Variants in CNTNAP2 observed in about 807,000 individuals in gnomAD.
CNTNAP2 encodes contactin-associated protein-like 2.
CNTNAP2 carries 98 observed loss-of-function variants against 155.2 expected under a neutral mutation model. The observed-to-expected ratio is 0.63, with a 90% CI of 0.54 to 0.75. The LOEUF (loss-of-function observed/expected upper bound fraction) is 0.75. Among genes scored for constraint, CNTNAP2 ranks in the 30% least tolerant of loss-of-function variants. The pLI is 0.00. For missense variants in CNTNAP2, 1,727 were observed against 1,688.1 expected (o/e 1.02, Z -0.40); for synonymous variants, 651 against 631.2 (o/e 1.03, Z -0.47).
At chr7:146,599,595 A>G (rs1432761240) in intron 1 of CNTNAP2, among the ~76,000 whole-genome samples, 1 of 144,106 alleles carries the variant, frequency 6.9e-6, no homozygotes, top group Admixed American at 6.7e-5. Context: ...CCCGCCGCCC[A>G]TAATTCTTCT....
chr7:146,579,625 G>T (rs1020880127), intron 1 of CNTNAP2, among the ~76,000 whole-genome samples: 2 of 152,028 alleles, frequency 1.3e-5, no homozygotes, highest in Non-Finnish European at 2.9e-5. Context: ...CTCACTCATT[G>T]AAAGATATGT....
intron 1 of CNTNAP2, among the ~76,000 whole-genome samples, chr7:146,569,418 A>G (rs533779756): frequency 2.1e-4 from 32 of 152,182 alleles, no homozygotes; most frequent in Non-Finnish European, 3.8e-4. Context: ...CCAATTACAT[A>G]TATTTCACAT....
intron 12 of CNTNAP2, among the ~76,000 whole-genome samples, chr7:147,584,362 T>C (rs1584831778): frequency 6.6e-6 from 1 of 152,186 alleles, no homozygotes; most frequent in Admixed American, 6.6e-5. Flanking sequence ...TTAGAAATAC[T>C]AGGAGCAGAA....
chr7:147,712,065 G>A (rs1796408338), intron 13 of CNTNAP2, among the ~76,000 whole-genome samples: 3 of 152,248 alleles, frequency 2.0e-5, no homozygotes, highest in East Asian at 3.9e-4. Flanking sequence ...CCTTCAGGTA[G>A]GTAAGACTCT....
rs983718263 is a variant in CNTNAP2, at chr7:146,939,962, T to TAA, written c.402+100059_402+100060dup. On this transcript the variant is annotated intron_variant, in intron 3 of 23. Coordinates refer to ENST00000361727, the MANE Select transcript of CNTNAP2 (RefSeq NM_014141.6). ...TCGGCTTGCCAAAGTCTCACCGGAC[T>TAA]AATGCTTACAGCAGAATTTAACACA... 7.9e-5 allele frequency among the ~76,000 whole-genome samples: 12 copies of TAA among 152,188 alleles called. 1 individual carries two copies. The highest frequency in any genetic ancestry group is 3.3e-4 in the Admixed American group (5 of 15,286).
At chr7:146,370,751 C>T (rs999240005) in intron 1 of CNTNAP2, among the ~76,000 whole-genome samples, 11 of 152,084 alleles carry the variant, frequency 7.2e-5, no homozygotes, top group African/African-American at 9.7e-5. Context: ...AATGAAAGAA[C>T]TCCCCATTAT....
intron 4 of CNTNAP2, among the ~76,000 whole-genome samples, chr7:147,046,407 C>A (rs1334818574): frequency 6.6e-6 from 1 of 152,142 alleles, no homozygotes; most frequent in Non-Finnish European, 1.5e-5. Flanking sequence ...AGTTACAAAT[C>A]ATATTTCTGA....
chr7:147,066,207 C>T (rs541176822), intron 4 of CNTNAP2, among the ~76,000 whole-genome samples: 1 of 152,264 alleles, frequency 6.6e-6, no homozygotes, highest in East Asian at 1.9e-4. Context: ...GTTCTTTAAA[C>T]TGAATTGAAG....
intron 10 of CNTNAP2, among the ~76,000 whole-genome samples, chr7:147,466,828 G>A (rs1003875765): frequency 1.3e-4 from 20 of 152,136 alleles, no homozygotes; most frequent in African/African-American, 4.8e-4. Context: ...TGAGGCAGGA[G>A]AATCACTTGA....
chr7:146,847,049 C>T (rs191994260), intron 3 of CNTNAP2, among the ~76,000 whole-genome samples: 65 of 151,978 alleles, frequency 4.3e-4, no homozygotes, highest in Admixed American at 1.3e-3. Context: ...TTACATTGAA[C>T]TCAATGCTAA....
intron 4 of CNTNAP2, among the ~76,000 whole-genome samples, chr7:147,064,454 C>T (rs1217983408): frequency 6.6e-6 from 1 of 152,110 alleles, no homozygotes; most frequent in African/African-American, 2.4e-5. Flanking sequence ...ATCTCACCTG[C>T]TAAATGATGT....
At chr7:147,477,715 C>T (rs1798346984) in intron 10 of CNTNAP2, among the ~76,000 whole-genome samples, 1 of 152,082 alleles carries the variant, frequency 6.6e-6, no homozygotes, top group South Asian at 2.1e-4. Context: ...CTTTATTTTG[C>T]CTCTGGATAA....
intron 13 of CNTNAP2, among the ~76,000 whole-genome samples, chr7:147,716,407 G>A (rs1007623165): frequency 6.6e-6 from 1 of 152,098 alleles, no homozygotes; most frequent in African/African-American, 2.4e-5. Flanking sequence ...GTGAGGCAGA[G>A]TCTGATCTAC....
intron 1 of CNTNAP2, among the ~76,000 whole-genome samples, chr7:146,464,755 A>G (rs956824232): frequency 6.6e-6 from 1 of 152,148 alleles, no homozygotes; most frequent in Non-Finnish European, 1.5e-5. Flanking sequence ...TTAGCACACT[A>G]TGTTGGAAAG....
intron 21 of CNTNAP2, among the ~76,000 whole-genome samples, chr7:148,283,318 A>AG (rs1797021396): frequency 8.1e-6 from 1 of 123,680 alleles, no homozygotes; most frequent in African/African-American, 3.7e-5. Context: ...GAAGGAAGGA[A>AG]GGAAAGAAAG....
At chr7:148,240,815 C>T (rs186043188) in intron 20 of CNTNAP2, among the ~76,000 whole-genome samples, 25 of 146,904 alleles carry the variant, frequency 1.7e-4, no homozygotes, top group Admixed American at 9.9e-4. Flanking sequence ...CCAAAGCTGA[C>T]GAATTTGGAG....
chr7:146,547,180 C>T (rs932588257), intron 1 of CNTNAP2, among the ~76,000 whole-genome samples: 3 of 151,848 alleles, frequency 2.0e-5, no homozygotes, highest in Non-Finnish European at 2.9e-5. Context: ...GCATAAGAGT[C>T]TGGTATTCTT....
At chr7:146,315,046 C>T (rs560788293) in intron 1 of CNTNAP2, among the ~76,000 whole-genome samples, 3 of 152,278 alleles carry the variant, frequency 2.0e-5, no homozygotes, top group African/African-American at 7.2e-5. Context: ...GGAAGGCCCT[C>T]GTAGGTGCTG....
intron 3 of CNTNAP2, among the ~76,000 whole-genome samples, chr7:146,919,870 A>G (rs1360558407): frequency 1.3e-5 from 2 of 152,114 alleles, no homozygotes; most frequent in Non-Finnish European, 2.9e-5. Context: ...TTCCTGCAGT[A>G]GTTCTTGGAG....
Sources: gnomAD v4.1 joint callset for allele counts (sites outside exome capture counted in the v4.1 genomes callset) on GRCh38, gnomAD v4.1.1 for gene constraint, MANE v1.5 for transcripts, NCBI Gene and HGNC (gene_info 2026-07-23, HGNC 2026-07-21) for gene names.